Variants in ATP11A observed in about 807,000 individuals in gnomAD.
ATP11A encodes phospholipid-transporting ATPase IH.
A neutral mutation model predicts 154.4 loss-of-function variants in ATP11A; 81 were observed. The ratio of observed to expected loss-of-function variants is 0.52; its 90% CI spans 0.44 to 0.63. The LOEUF (loss-of-function observed/expected upper bound fraction) is 0.63, where lower values mean the gene tolerates loss of function less well. Among genes scored for constraint, ATP11A ranks in the 30% least tolerant of loss-of-function variants. The pLI, the probability that ATP11A is intolerant of heterozygous loss-of-function variation, is 0.00. For missense variants in ATP11A, 1,316 were observed against 1,474.3 expected, an observed-to-expected ratio of 0.89 and a Z score of 1.76; for synonymous variants, 623 against 585.9, an observed-to-expected ratio of 1.06 and a Z score of -0.91.
chr13:112,768,081 GT>G (rs1284214029), intron 1 of ATP11A, among the ~76,000 whole-genome samples: 1 of 152,200 alleles, frequency 6.6e-6, no homozygotes, highest in Non-Finnish European at 1.5e-5. Context: ...TCTCCTGAAG[GT>G]TTTCCAAGTG....
At chr13:112,835,468 A>G (rs1356528012) in intron 15 of ATP11A, among the ~76,000 whole-genome samples, 1 of 152,236 alleles carries the variant, frequency 6.6e-6, no homozygotes, top group Non-Finnish European at 1.5e-5. Flanking sequence ...CCCTCTCCAC[A>G]GCACCCTGGG....
intron 1 of ATP11A, among the ~76,000 whole-genome samples, chr13:112,742,016 A>G (rs28396569): frequency 6.6e-6 from 1 of 150,984 alleles, no homozygotes; most frequent in South Asian, 2.2e-4. Context: ...CTCCCCACAG[A>G]AGAGTGCTCC....
At chr13:112,793,935 G>A (rs1048309832) in intron 2 of ATP11A, among the ~76,000 whole-genome samples, 6 of 152,224 alleles carry the variant, frequency 3.9e-5, no homozygotes, top group Admixed American at 6.5e-5. Context: ...AGGAGGCAGC[G>A]GAAACCTGAG....
intron 1 of ATP11A, among the ~76,000 whole-genome samples, chr13:112,714,247 A>G (rs1270443197): frequency 6.7e-6 from 1 of 150,284 alleles, no homozygotes; most frequent in Admixed American, 6.6e-5. Flanking sequence ...TTTCCTTCCC[A>G]ATTAGCACCG....
intron 2 of ATP11A, among the ~76,000 whole-genome samples, chr13:112,802,167 A>G (rs1005789464): frequency 6.6e-6 from 1 of 151,964 alleles, no homozygotes; most frequent in Admixed American, 6.6e-5. Context: ...ACACGATGAA[A>G]CCCCATCTCT....
At chr13:112,742,008 C>A (rs904651568) in intron 1 of ATP11A, among the ~76,000 whole-genome samples, 1 of 151,650 alleles carries the variant, frequency 6.6e-6, no homozygotes, top group Non-Finnish European at 1.5e-5. Context: ...TGGTCCCCCT[C>A]CCCACAGAAG....
Position 112,826,845 on chromosome 13 carries a change from AG to A in ATP11A, c.1179del (p.Pro394LeufsTer3). On this transcript the variant is annotated frameshift_variant, in exon 12 of 30. Coordinates refer to ENST00000375645, the MANE Select transcript of ATP11A (RefSeq NM_015205.3). LOFTEE classifies it high-confidence loss of function. ...DEDMFDEETGEGPLVNTSDLN... is the reference protein window; with the variant it reads ...DEDMFDEETGXGPLVNTSDLN... Reference sequence around the variant, plus strand: ...GACATGTTTGACGAGGAGACTGGCGAGGGGCCTCTGGTGAACACGTCGGACC... The same window carrying A: ...GACATGTTTGACGAGGAGACTGGCGAGGGCCTCTGGTGAACACGTCGGACC... 6.2e-7 allele frequency: 1 copy of A among 1,614,154 alleles called. No homozygotes were observed. Among genetic ancestry groups the A allele is most frequent in the Non-Finnish European group, 8.5e-7 (1 of 1,180,042 alleles).
rs549516420 is a variant in ATP11A at position 112,807,700 on chromosome 13, G to A, written c.333+1407G>A. Among the ~76,000 whole-genome samples the A allele has an allele frequency of 5.9e-5, 9 of 152,272 alleles. No individual in the cohort carries two copies. The South Asian group carries it at 8.3e-4, about 14-fold the overall frequency. ...ACTCGGGGACCTGCCATGTGTCCTC[G>A]GGCCCAAAGTCACAGTTTCCAGGAA... On this transcript the variant is annotated intron_variant, in intron 4 of 29. Transcript: ENST00000375645. This position sits in a 1 kb window ranked among gnomAD's most constrained non-coding sequence, Gnocchi z 4.5.
rs1392442429 is a variant in ATP11A, at chr13:112,875,933, A to G, written c.3319A>G (p.Arg1107Gly). 1.2e-6 allele frequency: 2 copies of G among 1,611,228 alleles called. No individual in the cohort carries two copies. The highest frequency in any genetic ancestry group is 1.7e-5 in the Admixed American group (1 of 60,024). The change falls in exon 28 of 30, where the codon AGA becomes GGA. Residue 1107 changes from arginine to glycine, a missense_variant. Physicochemically the swap from Arg to Gly is moderately radical, Grantham distance 125 (BLOSUM62 -2). This residue lies in a region of ATP11A where 294 missense variants were observed against 290.2 expected (regional missense o/e 1.01). Transcript: ENST00000375645. This position sits in a 1 kb window ranked among gnomAD's most constrained non-coding sequence, Gnocchi z 4.1. ...GCAGCTGTGGCCAACAGCAACAGAG[A>G]GAGTCCAGGTACGGAGTGTCCCCAG... ...CRQLWPTATE[R>G]VQTKSQCLSV...
chr13:112,848,325 A>G (rs1314372677), intron 17 of ATP11A, among the ~76,000 whole-genome samples: 1 of 152,034 alleles, frequency 6.6e-6, no homozygotes, highest in East Asian at 1.9e-4. Context: ...ACTTTTGTTG[A>G]TGCTACTGAA....
chr13:112,840,995 T>C (rs1007871133), intron 16 of ATP11A, among the ~76,000 whole-genome samples: 8 of 152,256 alleles, frequency 5.3e-5, no homozygotes, highest in Non-Finnish European at 1.0e-4. Flanking sequence ...GAGCTGGGCA[T>C]GGAGCTTCCT....
At chr13:112,707,402 T>G (rs1376325364) in intron 1 of ATP11A, among the ~76,000 whole-genome samples, 3 of 124,506 alleles carry the variant, frequency 2.4e-5, no homozygotes, top group Non-Finnish European at 4.9e-5. Context: ...GCAATAAGAG[T>G]GAAATTCTGT....
At chr13:112,871,878 TC>T in intron 26 of ATP11A, 78 bp downstream of exon 26, 1 of 1,426,814 alleles carries the variant, frequency 7.0e-7, no homozygotes, top group Non-Finnish European at 9.9e-7. Context: ...CTCTGAGCTC[TC>T]TGAATTATAA....
At chr13:112,770,689 C>T (rs1393624058) in intron 1 of ATP11A, among the ~76,000 whole-genome samples, 1 of 152,238 alleles carries the variant, frequency 6.6e-6, no homozygotes, top group African/African-American at 2.4e-5. Flanking sequence ...AAGGCCCGCA[C>T]GCCCACCAGA....
intron 1 of ATP11A, among the ~76,000 whole-genome samples, chr13:112,739,265 C>G (rs1275285535): frequency 6.6e-6 from 1 of 152,164 alleles, no homozygotes; most frequent in Admixed American, 6.5e-5. Context: ...AGAACTCTGT[C>G]AACTCATAAC....
At chr13:112,745,475 G>A (rs1892027398) in intron 1 of ATP11A, 1 of 152,222 alleles carries the variant, frequency 6.6e-6, no homozygotes, top group Non-Finnish European at 1.5e-5. Flanking sequence ...TATTCAGTTG[G>A]TAATAATGTG....
At chr13:112,802,319 C>G (rs531303663) in intron 2 of ATP11A, among the ~76,000 whole-genome samples, 1 of 152,034 alleles carries the variant, frequency 6.6e-6, no homozygotes, top group East Asian at 1.9e-4. Context: ...GCACTCCAGC[C>G]TGGGCAACAG....
In ATP11A at chr13:112,885,266, G is replaced by A. The variant is rs2080956992; in HGVS notation, c.*3400G>A. The A allele has an allele frequency of 7.8e-6, 1 of 128,716 alleles. No individual in the cohort carries two copies. The allele number at this position is 128,716 out of a possible 1,614,324, so 8.0% of individuals were successfully genotyped here. A position where few individuals can be genotyped will look rare whatever the true frequency, so the allele number is the denominator to read the frequency against. ...CATGCATGTACAGGTAAGCACACAT[G>A]TACAAGCTCCTACAGGCTTGCTCTC... is the stretch of plus-strand genomic sequence containing the variant. On this transcript the variant is annotated 3_prime_UTR_variant, in exon 30 of 30. Transcript: ENST00000375645.
At chr13:112,836,075 C>A in intron 15 of ATP11A, 103 bp from the exon 16 acceptor site, 1 of 790,278 alleles carries the variant, frequency 1.3e-6, no homozygotes. Context: ...GAGGAAGGGC[C>A]AGGGCTGCCC....
Sources: allele counts gnomAD v4.1 joint callset (sites outside exome capture counted in the v4.1 genomes callset), GRCh38; gene constraint gnomAD v4.1.1; regional missense constraint gnomAD v4.1.1; non-coding constraint Gnocchi (gnomAD v3.1); transcripts MANE v1.5; gene names NCBI Gene and HGNC (gene_info 2026-07-23, HGNC 2026-07-21).